Variants in CNTN4 observed in about 807,000 individuals in gnomAD.
The protein encoded by CNTN4 is contactin-4.
A neutral mutation model predicts 122.5 loss-of-function variants in CNTN4; 77 were observed. That is an observed-to-expected ratio of 0.63 (90% CI 0.52 to 0.76). The LOEUF (loss-of-function observed/expected upper bound fraction) is 0.76. Ranked by LOEUF, CNTN4 falls within the 30% of genes least tolerant of loss-of-function variation. The pLI, the probability that CNTN4 is intolerant of heterozygous loss-of-function variation, is 0.00. For missense variants in CNTN4, 1,256 were observed against 1,259.1 expected (o/e 1.00, Z 0.04); for synonymous variants, 512 against 447.0 (o/e 1.15, Z -1.83).
rs1392290991 is a variant in CNTN4, at chr3:2,242,876, A to G, written c.-144-96302A>G. 2.6e-5 allele frequency among the ~76,000 whole-genome samples: 4 copies of G among 152,278 alleles called. No individual in the cohort carries two copies. In the East Asian group the frequency reaches 5.8e-4, roughly 22 times the overall value. On this transcript the variant is annotated intron_variant, in intron 2 of 24. Coordinates refer to ENST00000418658, the MANE Select transcript of CNTN4 (RefSeq NM_175607.3). ...CTTTCCATAAAAACACTAATCACGT[A>G]TAACAGTTCAGTCAAAATCTACTGA...
intron 2 of CNTN4, among the ~76,000 whole-genome samples, chr3:2,249,136 G>A (rs1312931019): frequency 2.6e-5 from 2 of 75,752 alleles, no homozygotes; most frequent in Non-Finnish European, 5.2e-5. Context: ...GTCAATTAAA[G>A]AAAATAAAAT....
intron 3 of CNTN4, among the ~76,000 whole-genome samples, chr3:2,412,104 C>T (rs2047245474): frequency 6.6e-6 from 1 of 152,074 alleles, no homozygotes; most frequent in African/African-American, 2.4e-5. Context: ...GCTTATTTTG[C>T]TCAACATACT....
intron 3 of CNTN4, among the ~76,000 whole-genome samples, chr3:2,402,498 A>C (rs1248303480): frequency 6.6e-6 from 1 of 152,166 alleles, no homozygotes; most frequent in Non-Finnish European, 1.5e-5. Flanking sequence ...TTATTAAATC[A>C]GGGTAATTGG....
intron 3 of CNTN4, among the ~76,000 whole-genome samples, chr3:2,387,729 C>T (rs909343579): frequency 3.9e-5 from 6 of 152,128 alleles, no homozygotes; most frequent in Non-Finnish European, 8.8e-5. Context: ...TTTTATTTTG[C>T]TGTTTTTCCT....
chr3:2,643,411 G>GA (rs1410627488), intron 4 of CNTN4, among the ~76,000 whole-genome samples: 1 of 152,014 alleles, frequency 6.6e-6, no homozygotes, highest in Non-Finnish European at 1.5e-5. Flanking sequence ...TGGCCTCAAT[G>GA]ATCCACCCGC....
At chr3:2,597,489 G>T (rs767584652) in intron 4 of CNTN4, among the ~76,000 whole-genome samples, 4 of 152,120 alleles carry the variant, frequency 2.6e-5, no homozygotes, top group Non-Finnish European at 5.9e-5. Flanking sequence ...TTGACATAAG[G>T]CTCCTGAGTC....
intron 3 of CNTN4, among the ~76,000 whole-genome samples, chr3:2,499,054 G>T (rs2076527197): frequency 6.6e-6 from 1 of 152,206 alleles, no homozygotes; most frequent in Non-Finnish European, 1.5e-5. Flanking sequence ...TTCCCAAAGT[G>T]CTGGGATTAC....
chr3:2,606,424 G>A (rs1317636713), intron 4 of CNTN4, among the ~76,000 whole-genome samples: 2 of 152,102 alleles, frequency 1.3e-5, no homozygotes, highest in Non-Finnish European at 2.9e-5. Flanking sequence ...GATAGGTGCA[G>A]CAAACCATTA....
intron 4 of CNTN4, among the ~76,000 whole-genome samples, chr3:2,688,095 A>C (rs985394793): frequency 6.6e-6 from 1 of 152,212 alleles, no homozygotes; most frequent in Non-Finnish European, 1.5e-5. Flanking sequence ...AAAAAATAAA[A>C]ATCTGTAACT....
intron 3 of CNTN4, among the ~76,000 whole-genome samples, chr3:2,478,256 C>T (rs2075885487): frequency 6.6e-6 from 1 of 152,062 alleles, no homozygotes; most frequent in Non-Finnish European, 1.5e-5. Flanking sequence ...CTGAGATGTG[C>T]TATAGATCCA....
chr3:2,940,280 T>G (rs1399501005), intron 13 of CNTN4, among the ~76,000 whole-genome samples: 1 of 152,224 alleles, frequency 6.6e-6, no homozygotes, highest in Non-Finnish European at 1.5e-5. Flanking sequence ...CTAGGTATCA[T>G]GAATGGACAG....
intron 4 of CNTN4, among the ~76,000 whole-genome samples, chr3:2,696,821 A>C (rs1282544530): frequency 1.3e-5 from 2 of 151,300 alleles, no homozygotes; most frequent in African/African-American, 2.4e-5. Context: ...AACGGCTTAC[A>C]TCCATTTCAT....
chr3:2,733,068 G>A (rs1449632992), intron 4 of CNTN4, among the ~76,000 whole-genome samples: 1 of 152,110 alleles, frequency 6.6e-6, no homozygotes, highest in African/African-American at 2.4e-5. Flanking sequence ...ATATTGCATG[G>A]CTACATTGAG....
chr3:2,143,900 A>C (rs556538974), intron 2 of CNTN4, among the ~76,000 whole-genome samples: 18 of 152,298 alleles, frequency 1.2e-4, no homozygotes, highest in African/African-American at 4.1e-4. Context: ...AGTTTGGTGA[A>C]ATTGATTTAC....
chr3:2,752,397 G>A (rs183561368), intron 6 of CNTN4, among the ~76,000 whole-genome samples: 207 of 152,134 alleles, frequency 1.4e-3, no homozygotes, highest in Non-Finnish European at 2.3e-3. Flanking sequence ...GTGGAGTCTC[G>A]CTCTGTCACC....
chr3:2,659,589 A>T (rs1190042630), intron 4 of CNTN4, among the ~76,000 whole-genome samples: 2 of 152,026 alleles, frequency 1.3e-5, no homozygotes, highest in Non-Finnish European at 2.9e-5. Context: ...TCCTATAAAG[A>T]TCAGTGAATT....
intron 13 of CNTN4, among the ~76,000 whole-genome samples, chr3:2,936,470 G>A (rs1174978547): frequency 6.6e-6 from 1 of 152,112 alleles, no homozygotes; most frequent in Non-Finnish European, 1.5e-5. Flanking sequence ...ACGTAGCAGT[G>A]GCTTCCCATT....
At chr3:2,245,574 A>G (rs2040113722) in intron 2 of CNTN4, among the ~76,000 whole-genome samples, 1 of 152,184 alleles carries the variant, frequency 6.6e-6, no homozygotes, top group East Asian at 1.9e-4. Flanking sequence ...AAGTATAGAC[A>G]TTGAAATAAG....
intron 3 of CNTN4, among the ~76,000 whole-genome samples, chr3:2,404,072 CATAA>C (rs1449924465): frequency 1.3e-5 from 2 of 152,112 alleles, no homozygotes; most frequent in East Asian, 3.9e-4. Context: ...CTATAGTTGA[CATAA>C]ATAGTGAAAA....
Sources: allele counts gnomAD v4.1 joint callset (sites outside exome capture counted in the v4.1 genomes callset), GRCh38; gene constraint gnomAD v4.1.1; transcripts MANE v1.5; gene names NCBI Gene and HGNC (gene_info 2026-07-23, HGNC 2026-07-21).